The following FGF14 variants were observed in gnomAD, a reference collection of about 807,000 sequenced individuals.
The protein encoded by FGF14 is fibroblast growth factor homologous factor 4.
Under a neutral mutation model 25.5 loss-of-function variants are expected in FGF14, and 5 were observed. That is an observed-to-expected ratio of 0.20 (90% CI 0.10 to 0.41). The LOEUF is 0.41. Among genes scored for constraint, FGF14 ranks in the 10% least tolerant of loss-of-function variants. The pLI, the probability that FGF14 is intolerant of heterozygous loss-of-function variation, is 1.00. For missense variants in FGF14, 222 were observed against 320.1 expected (o/e 0.69, Z 2.34); for synonymous variants, 138 against 118.3 (o/e 1.17, Z -1.08).
intron 1 of FGF14, among the ~76,000 whole-genome samples, chr13:101,893,533 T>G (rs1289181113): frequency 1.3e-5 from 2 of 152,118 alleles, no homozygotes; most frequent in Admixed American, 6.6e-5. Context: ...ATGGTGAGAT[T>G]ATCCTGGATT....
intron 3 of FGF14, among the ~76,000 whole-genome samples, chr13:101,738,956 G>GTATA (rs60594991): frequency 1.7e-4 from 25 of 146,198 alleles, no homozygotes; most frequent in East Asian, 6.0e-4. Flanking sequence ...GTGTGTGTGT[G>GTATA]TATATATATA....
chr13:102,040,241 C>G (rs2041666543), intron 1 of FGF14, among the ~76,000 whole-genome samples: 2 of 152,118 alleles, frequency 1.3e-5, no homozygotes, highest in Non-Finnish European at 2.9e-5. Flanking sequence ...TTTTTATATT[C>G]TCCCCTATAA....
At chr13:102,161,570 A>AAG in intron 1 of FGF14, among the ~76,000 whole-genome samples, 444 of 5,642 alleles carry the variant, frequency 0.079, 76 homozygotes, top group South Asian at 0.14. Flanking sequence ...TTCTGTGAAG[A>AAG]AAGAAAGAAG....
chr13:102,305,114 C>T (rs1010283146), intron 1 of FGF14, among the ~76,000 whole-genome samples: 2 of 152,174 alleles, frequency 1.3e-5, no homozygotes, highest in Admixed American at 6.6e-5. Flanking sequence ...CAACTCAGCA[C>T]TGAAAATGTA....
Position 102,108,356 on chromosome 13 carries a change from T to C in FGF14, c.209-233060A>G, listed in dbSNP as rs373653283. On this transcript the variant is annotated intron_variant, in intron 1 of 4. Transcript: ENST00000376131. ...TTTCCCCAGAAGACTGGATCTTGCA[T>C]ATGTTCGTATTCCTAACGCTATACC... Among the ~76,000 whole-genome samples, 22 of 152,334 alleles carry C rather than the reference T, an allele frequency of 1.4e-4. No homozygotes were observed. In the East Asian group the frequency reaches 2.9e-3, roughly 20 times the overall value.
chr13:101,764,339 A>G (rs572492045), intron 3 of FGF14, among the ~76,000 whole-genome samples: 2 of 152,278 alleles, frequency 1.3e-5, no homozygotes, highest in East Asian at 3.9e-4. Context: ...GTGAGGATCA[A>G]GGTAGTAATG....
intron 1 of FGF14, among the ~76,000 whole-genome samples, chr13:102,154,245 A>T (rs1232246997): frequency 6.6e-6 from 1 of 152,134 alleles, no homozygotes; most frequent in African/African-American, 2.4e-5. Flanking sequence ...TGAAGGAAAA[A>T]ATGTTAAAAG....
chr13:101,868,466 A>T (rs544336876), intron 3 of FGF14: 1 of 382,052 alleles, frequency 2.6e-6, no homozygotes, highest in African/African-American at 2.1e-5. Flanking sequence ...ACAAAAGATT[A>T]GATTCACGTG....
intron 3 of FGF14, among the ~76,000 whole-genome samples, chr13:101,738,527 G>A (rs2139764236): frequency 6.6e-6 from 1 of 152,140 alleles, no homozygotes; most frequent in South Asian, 2.1e-4. Context: ...TAATTCCAAA[G>A]GTTAACACAA....
chr13:102,161,646 G>GA (rs1271205347), intron 1 of FGF14, among the ~76,000 whole-genome samples: 3 of 14,548 alleles, frequency 2.1e-4, no homozygotes, highest in Non-Finnish European at 4.3e-4. Context: ...AGAAGAAGAA[G>GA]AAGAAGAAGA....
At chr13:102,112,408 T>C (rs752745364) in intron 1 of FGF14, among the ~76,000 whole-genome samples, 2 of 152,070 alleles carry the variant, frequency 1.3e-5, no homozygotes, top group Non-Finnish European at 2.9e-5. Context: ...GTGTTTAAAA[T>C]CCGAGTCACT....
chr13:102,367,742 C>T (rs1209575773), intron 1 of FGF14: 1 of 152,196 alleles, frequency 6.6e-6, no homozygotes, highest in Non-Finnish European at 1.5e-5. Flanking sequence ...ATCAAGGATA[C>T]ATGATCTAAC....
At chr13:102,163,838 C>CG (rs964214879) in intron 1 of FGF14, among the ~76,000 whole-genome samples, 2 of 151,986 alleles carry the variant, frequency 1.3e-5, no homozygotes, top group Non-Finnish European at 2.9e-5. Context: ...ACTTGCCCCC[C>CG]CCAGAAAACA....
chr13:101,872,708 C>A (rs1402544796), intron 2 of FGF14, among the ~76,000 whole-genome samples: 1 of 151,908 alleles, frequency 6.6e-6, no homozygotes, highest in African/African-American at 2.4e-5. Flanking sequence ...TTTGTAGAAC[C>A]TTTTGAGGAG....
At chr13:101,972,601 T>C (rs2037667284) in intron 1 of FGF14, among the ~76,000 whole-genome samples, 1 of 152,206 alleles carries the variant, frequency 6.6e-6, no homozygotes, top group African/African-American at 2.4e-5. Context: ...AAGAGAAGAC[T>C]CTCCTTTCAC....
At chr13:102,028,579 T>C (rs1195273975) in intron 1 of FGF14, among the ~76,000 whole-genome samples, 3 of 152,092 alleles carry the variant, frequency 2.0e-5, no homozygotes, top group Non-Finnish European at 2.9e-5. Flanking sequence ...ATTTATCAGA[T>C]GCTTACACTT....
At chr13:101,947,423 G>T (rs2035880047) in intron 1 of FGF14, among the ~76,000 whole-genome samples, 1 of 148,396 alleles carries the variant, frequency 6.7e-6, no homozygotes, top group Non-Finnish European at 1.5e-5. Context: ...CAAAGACATG[G>T]AATAAAATGT....
chr13:102,391,526 A>G (rs2058432918), intron 1 of FGF14, among the ~76,000 whole-genome samples: 1 of 152,262 alleles, frequency 6.6e-6, no homozygotes. Context: ...GCATCATTAA[A>G]ATATCTCTAA....
intron 1 of FGF14, among the ~76,000 whole-genome samples, chr13:102,145,856 C>A (rs1265436062): frequency 6.6e-6 from 1 of 152,106 alleles, no homozygotes; most frequent in African/African-American, 2.4e-5. Context: ...TATTTGAGTG[C>A]AAGAGATATG....
Sources: gnomAD v4.1 joint callset for allele counts (sites outside exome capture counted in the v4.1 genomes callset) on GRCh38, gnomAD v4.1.1 for gene constraint, MANE v1.5 for transcripts, NCBI Gene and HGNC (gene_info 2026-07-23, HGNC 2026-07-21) for gene names.